The following HMGA2 variants were observed in gnomAD, a reference collection of about 807,000 sequenced individuals.
The protein encoded by HMGA2 is high mobility group AT-hook 2, also known as high mobility group protein HMGI-C.
HMGA2 carries 8 observed loss-of-function variants against 19.1 expected under a neutral mutation model. That is an observed-to-expected ratio of 0.42 (90% confidence interval 0.25 to 0.76). The LOEUF (loss-of-function observed/expected upper bound fraction) is 0.76, where lower values mean the gene tolerates loss of function less well. Among genes scored for constraint, HMGA2 ranks in the 30% least tolerant of loss-of-function variants. The pLI is 0.28. For missense variants in HMGA2, 109 were observed against 136.3 expected, an observed-to-expected ratio of 0.80 and a Z score of 1.00; for synonymous variants, 60 against 48.8, an observed-to-expected ratio of 1.23 and a Z score of -0.96.
chr12:65,824,544 C>G lies in HMGA2; in HGVS notation c.-727C>G, dbSNP rs1313331075. On this transcript the variant is annotated 5_prime_UTR_variant, in exon 1 of 5. Coordinates refer to ENST00000403681, the MANE Select transcript of HMGA2 (RefSeq NM_003483.6). ...AAGACTCAGGAGCTAGCAGCCCGTCCCCCTCCGACTCTCCGGTGCCGCCGC... is the reference window on the plus strand; with the variant it reads ...AAGACTCAGGAGCTAGCAGCCCGTCGCCCTCCGACTCTCCGGTGCCGCCGC... The G allele has an allele frequency of 4.3e-6, 1 of 233,368 alleles. No homozygotes were observed. The highest frequency in any genetic ancestry group is 8.4e-6 in the Non-Finnish European group (1 of 118,472). The allele number at this position is 233,368 out of a possible 1,614,324, so 14.5% of individuals were successfully genotyped here. A position where few individuals can be genotyped will look rare whatever the true frequency, so the allele number is the denominator to read the frequency against.
At chr12:65,903,860 C>T (rs1322856437) in intron 3 of HMGA2, among the ~76,000 whole-genome samples, 1 of 152,116 alleles carries the variant, frequency 6.6e-6, no homozygotes, top group African/African-American at 2.4e-5. Context: ...AGATAACATC[C>T]ATTTTTGTTG....
chr12:65,892,800 GA>G, intron 3 of HMGA2, among the ~76,000 whole-genome samples: 1 of 152,128 alleles, frequency 6.6e-6, no homozygotes, highest in South Asian at 2.1e-4. Flanking sequence ...CAGCTGTTGA[GA>G]AAAGTCCTCA....
Position 65,838,408 on chromosome 12 carries a change from C to A in HMGA2, c.199-111C>A, listed in dbSNP as rs541097372. ...TTAAAAAAAACAAAAAAAAAAAAAC[C>A]GATACGTCATCTGCAAAGCAGAACA... On this transcript the variant is annotated intron_variant, in intron 2 of 4. Transcript: ENST00000403681. 343 of 758,392 alleles carry A rather than the reference C, an allele frequency of 4.5e-4. 6 individuals are homozygous for A. In the South Asian group the frequency reaches 5.8e-3, roughly 13 times the overall value. 47.0% of individuals were successfully genotyped at this position (758,392 alleles called of 1,614,324 possible). A position where few individuals can be genotyped will look rare whatever the true frequency, so the allele number is the denominator to read the frequency against.
intron 3 of HMGA2, among the ~76,000 whole-genome samples, chr12:65,861,321 G>A (rs974631174): frequency 6.6e-6 from 1 of 152,012 alleles, no homozygotes; most frequent in African/African-American, 2.4e-5. Context: ...AGCCCAGATC[G>A]TGCCACCGCA....
At chr12:65,943,222 G>C (rs983210213) in intron 3 of HMGA2, among the ~76,000 whole-genome samples, 1 of 151,944 alleles carries the variant, frequency 6.6e-6, no homozygotes, top group African/African-American at 2.4e-5. Context: ...ATTAGTATTC[G>C]ATGAGCCAAT....
chr12:65,934,641 G>A (rs528976662), intron 3 of HMGA2: 2 of 152,238 alleles, frequency 1.3e-5, no homozygotes, highest in Admixed American at 6.5e-5. Context: ...CAGAACTGAG[G>A]CACTTTTGTT....
chr12:65,930,151 T>C (rs576285977), intron 3 of HMGA2, among the ~76,000 whole-genome samples: 1 of 152,368 alleles, frequency 6.6e-6, no homozygotes, highest in African/African-American at 2.4e-5. Flanking sequence ...GTATATATTA[T>C]ATCTGAACAG....
At chr12:65,835,504 C>T (rs551510525) in intron 2 of HMGA2, among the ~76,000 whole-genome samples, 6 of 152,296 alleles carry the variant, frequency 3.9e-5, no homozygotes, top group Non-Finnish European at 5.9e-5. Flanking sequence ...CTGGCCTGAA[C>T]GACCAAGGAG....
intron 3 of HMGA2, chr12:65,866,682 C>A: frequency 2.5e-6 from 1 of 394,610 alleles, no homozygotes; most frequent in Non-Finnish European, 5.0e-6. Context: ...TAAACATTAC[C>A]TCTTGTACCT....
intron 3 of HMGA2, among the ~76,000 whole-genome samples, chr12:65,853,522 A>G (rs1400124112): frequency 6.6e-6 from 1 of 152,168 alleles, no homozygotes; most frequent in Non-Finnish European, 1.5e-5. Flanking sequence ...TCAGTATTCT[A>G]ATAAAATCAG....
At position 65,927,952 on chromosome 12, in the gene HMGA2, T is replaced by C. The variant is rs1875571134; in HGVS notation, c.250-23431T>C. On this transcript the variant is annotated intron_variant, in intron 3 of 4. Coordinates refer to ENST00000403681, the MANE Select transcript of HMGA2 (RefSeq NM_003483.6). ...GTCACCCAAAATATGTATGTGAGTATATATATATATATATGTATGTATGTA... is the reference window on the plus strand; with the variant it reads ...GTCACCCAAAATATGTATGTGAGTACATATATATATATATGTATGTATGTA... Among the ~76,000 whole-genome samples, 10 of 26,274 alleles carry C rather than the reference T, an allele frequency of 3.8e-4. No individual in the cohort carries two copies. In the Admixed American group the frequency reaches 6.5e-3, roughly 17 times the overall value. 17.2% of individuals were successfully genotyped at this position (26,274 alleles called of 152,430 possible). A position where few individuals can be genotyped will look rare whatever the true frequency, so the allele number is the denominator to read the frequency against.
chr12:65,919,636 C>T (rs551311320), intron 3 of HMGA2, among the ~76,000 whole-genome samples: 50 of 152,166 alleles, frequency 3.3e-4, no homozygotes, highest in Non-Finnish European at 6.3e-4. Flanking sequence ...AAGAGAACCA[C>T]GTGAGAAGAT....
At chr12:65,949,235 G>T (rs1241001373) in intron 3 of HMGA2, among the ~76,000 whole-genome samples, 1 of 151,554 alleles carries the variant, frequency 6.6e-6, no homozygotes, top group African/African-American at 2.4e-5. Context: ...TTTCCTTTGA[G>T]CAAAAGTACC....
At chr12:65,835,227 T>A (rs918560281) in intron 2 of HMGA2, among the ~76,000 whole-genome samples, 1 of 152,210 alleles carries the variant, frequency 6.6e-6, no homozygotes, top group Non-Finnish European at 1.5e-5. Context: ...GTTTGTCTTT[T>A]TTGAAAAATA....
intron 3 of HMGA2, among the ~76,000 whole-genome samples, chr12:65,855,322 AC>A (rs1341516038): frequency 6.6e-6 from 1 of 152,152 alleles, no homozygotes; most frequent in Non-Finnish European, 1.5e-5. Context: ...TGTCATCTTG[AC>A]ACATTTAGGA....
chr12:65,896,107 T>G (rs1874116718), intron 3 of HMGA2, among the ~76,000 whole-genome samples: 1 of 152,268 alleles, frequency 6.6e-6, no homozygotes, highest in Non-Finnish European at 1.5e-5. Flanking sequence ...GTAGAAGTTC[T>G]GTAGTTCATC....
intron 3 of HMGA2, among the ~76,000 whole-genome samples, chr12:65,887,711 A>G (rs543084192): frequency 3.9e-5 from 6 of 152,246 alleles, no homozygotes; most frequent in Admixed American, 1.3e-4. Flanking sequence ...AAGAAAAAAA[A>G]TTTACAGTTA....
At chr12:65,882,094 C>T in intron 3 of HMGA2, 2 of 532,442 alleles carry the variant, frequency 3.8e-6, no homozygotes, top group Non-Finnish European at 6.9e-6. Flanking sequence ...GCGTGGAAAC[C>T]CCTGGCGGCT....
chr12:65,859,460 C>A (rs1263923263), intron 3 of HMGA2: 2 of 152,150 alleles, frequency 1.3e-5, no homozygotes, highest in African/African-American at 2.4e-5. Context: ...TAAATAATAC[C>A]ATTTTTCTTA....
Sources: gnomAD v4.1 joint callset for allele counts (sites outside exome capture counted in the v4.1 genomes callset) on GRCh38, gnomAD v4.1.1 for gene constraint, MANE v1.5 for transcripts, NCBI Gene and HGNC (gene_info 2026-07-23, HGNC 2026-07-21) for gene names.